Variants in CD163L1 observed in about 807,000 individuals in gnomAD.
CD163L1 encodes CD163 molecule like 1.
CD163L1 carries 124 observed loss-of-function variants against 165.4 expected under a neutral mutation model. The ratio of observed to expected loss-of-function variants is 0.75; its 90% CI spans 0.65 to 0.87. The LOEUF (loss-of-function observed/expected upper bound fraction) is 0.87. CD163L1 is among the 40% of genes least tolerant of loss of function. The pLI is 0.00. For synonymous variants in CD163L1, 585 were observed against 662.2 expected, an observed-to-expected ratio of 0.88 and a Z score of 1.79; for missense variants, 1,525 against 1,799.9, an observed-to-expected ratio of 0.85 and a Z score of 2.76.
At chr12:7,443,957 C>CT in intron 1 of CD163L1, 140 bp downstream of exon 1, 3 of 787,632 alleles carry the variant, frequency 3.8e-6, no homozygotes, top group East Asian at 2.9e-5. Context: ...TTCCACAAAA[C>CT]TTTCAATTTT....
intron 8 of CD163L1, among the ~76,000 whole-genome samples, chr12:7,393,002 G>C (rs1249300081): frequency 6.6e-6 from 1 of 151,896 alleles, no homozygotes; most frequent in East Asian, 1.9e-4. Flanking sequence ...TAAAAAGAGG[G>C]GTTGGTACCA....
intron 2 of CD163L1, chr12:7,439,448 T>G: frequency 1.3e-6 from 2 of 1,586,004 alleles, no homozygotes; most frequent in Non-Finnish European, 1.7e-6. Context: ...GGTTTGGACT[T>G]GTCTTTTAGC....
At chr12:7,340,993 A>T in the CD163L1 span, among the ~76,000 whole-genome samples, 1 of 152,212 alleles carries the variant, frequency 6.6e-6, no homozygotes, top group Non-Finnish European at 1.5e-5. Context: ...TCTTTGGACC[A>T]TCAAATGACT....
chr12:7,431,132 G>A (rs1258429930), intron 4 of CD163L1, among the ~76,000 whole-genome samples: 7 of 152,060 alleles, frequency 4.6e-5, no homozygotes, highest in African/African-American at 1.4e-4. Flanking sequence ...AAAAGAAGCC[G>A]CATTCTTCAG....
At chr12:7,346,569 G>T (rs1275445736), downstream of CD163L1, 4 of 152,112 alleles carry the variant, frequency 2.6e-5, no homozygotes, top group East Asian at 7.7e-4. Flanking sequence ...AACTCTTAAG[G>T]CTCTATTGTT....
At chr12:7,357,596 G>T in intron 18 of CD163L1, 110 bp from the exon 19 acceptor site, 2 of 723,406 alleles carry the variant, frequency 2.8e-6, no homozygotes, top group Non-Finnish European at 4.6e-6. Flanking sequence ...TAGAGCAAGA[G>T]GTGACTATTA....
chr12:7,374,486 TGC>T lies in CD163L1; in HGVS notation c.3363_3364del (p.Gln1122AlafsTer24). ...GTCCTCCTTGTGCCTGCAGTCGTGC[TGC>T]CCCCAGCCGCGGGAAGGGCACTGCC... On this transcript the variant is annotated frameshift_variant, in exon 13 of 20. Coordinates refer to ENST00000313599, the MANE Select transcript of CD163L1 (RefSeq NM_174941.6). LOFTEE classifies it high-confidence loss of function. The surrounding 1 kb of genome is among the most constrained non-coding windows in gnomAD (Gnocchi z 5.4). 6.2e-7 allele frequency: 1 copy of T among 1,614,162 alleles called. No homozygotes were observed. Among genetic ancestry groups the T allele is most frequent in the Non-Finnish European group, 8.5e-7 (1 of 1,180,016 alleles).
intron 2 of CD163L1, chr12:7,440,018 AC>A: frequency 1.4e-6 from 2 of 1,399,602 alleles, no homozygotes; most frequent in Non-Finnish European, 2.0e-6. Context: ...GCCGAGGAAA[AC>A]CCGCTGCGAC....
the CD163L1 span, among the ~76,000 whole-genome samples, chr12:7,339,933 TACAA>T: frequency 2.0e-5 from 3 of 152,172 alleles, no homozygotes; most frequent in Non-Finnish European, 2.9e-5. Flanking sequence ...GAGATCATCA[TACAA>T]ACAGCCTGAG....
At chr12:7,433,024 C>T (rs1202375290) in intron 3 of CD163L1, among the ~76,000 whole-genome samples, 1 of 151,844 alleles carries the variant, frequency 6.6e-6, no homozygotes, top group Non-Finnish European at 1.5e-5. Context: ...GTTAGTGTAC[C>T]TGGTACATGA....
chr12:7,403,473 C>A, intron 6 of CD163L1, 62 bp downstream of exon 6: 4 of 1,474,070 alleles, frequency 2.7e-6, no homozygotes, highest in Non-Finnish European at 3.7e-6. Flanking sequence ...TTGTTTCTAA[C>A]CTCCCAACAG....
chr12:7,323,325 A>G, the CD163L1 span: 2 of 1,608,252 alleles, frequency 1.2e-6, no homozygotes, highest in Admixed American at 1.7e-5. Context: ...GTAGGTTGAG[A>G]AAATATCTGA....
At chr12:7,426,733 T>TA (rs1454593842) in intron 4 of CD163L1, among the ~76,000 whole-genome samples, 9 of 151,840 alleles carry the variant, frequency 5.9e-5, no homozygotes, top group Admixed American at 5.9e-4. Flanking sequence ...GAACCTAAAG[T>TA]AAAAAATAAA....
At chr12:7,318,782 T>C in the CD163L1 span, among the ~76,000 whole-genome samples, 1 of 152,202 alleles carries the variant, frequency 6.6e-6, no homozygotes, top group Non-Finnish European at 1.5e-5. Context: ...TTTTCAACCA[T>C]GGCAAATTTA....
chr12:7,324,526 G>A, the CD163L1 span: 15 of 1,613,868 alleles, frequency 9.3e-6, no homozygotes, highest in Admixed American at 1.8e-4. Flanking sequence ...TTGAAGTGGA[G>A]AGTGCACTCA....
intron 9 of CD163L1, 94 bp from the exon 10 acceptor site, chr12:7,376,108 C>T (rs572242480): frequency 1.5e-5 from 17 of 1,102,002 alleles, no homozygotes; most frequent in Non-Finnish European, 2.2e-5. Context: ...CAATTTTTCT[C>T]CATTCATCAT....
rs4072796 is a variant in CD163L1, at chr12:7,396,400, C to G, written c.1745G>C (p.Gly582Ala). The change falls in exon 8 of 20, where the codon GGC becomes GCC. Residue 582 changes from glycine to alanine, a missense_variant. By Grantham distance (60) the Gly-to-Ala change is moderately conservative. Transcript: ENST00000313599. ...GTTGCTGCCGCCCACCAGCCTCAGGCCCCATGTTGCATCACCTGCACCAAG... is the reference window on the plus strand; with the variant it reads ...GTTGCTGCCGCCCACCAGCCTCAGGGCCCATGTTGCATCACCTGCACCAAG... ...IVTCSGDATWGLRLVGGSNRC... is the reference protein window; with the variant it reads ...IVTCSGDATWALRLVGGSNRC... The G allele has an allele frequency of 0.057, 91,222 of 1,606,024 alleles. 4,995 individuals are homozygous for G. The highest frequency in any genetic ancestry group is 0.24 in the African/African-American group (17,657 of 74,846).
At chr12:7,418,720 C>T (rs1292691979) in intron 4 of CD163L1, among the ~76,000 whole-genome samples, 1 of 151,820 alleles carries the variant, frequency 6.6e-6, no homozygotes, top group Non-Finnish European at 1.5e-5. Flanking sequence ...CACAGAAATA[C>T]AAACAATCAT....
Position 7,433,643 on chromosome 12 carries a change from C to G in CD163L1, c.176G>C (p.Gly59Ala). 6.2e-7 allele frequency: 1 copy of G among 1,614,054 alleles called. No individual in the cohort carries two copies. The highest frequency in any genetic ancestry group is 8.5e-7 in the Non-Finnish European group (1 of 1,179,960). Residue 59 changes from glycine to alanine, a missense_variant, in exon 3 of 20, where the codon GGG (glycine) becomes GCG (alanine). By Grantham distance (60) the Gly-to-Ala change is moderately conservative (BLOSUM62 0). Coordinates refer to ENST00000313599, the MANE Select transcript of CD163L1 (RefSeq NM_174941.6). ...RLVNGDGPCS[G>A]TVEVKFQGQW... ...TCCCTGGAATTTCACCTCCACTGTC[C>G]CAGAGCAGGGACCGTCTCCATTGAC...
Sources: allele counts gnomAD v4.1 joint callset (sites outside exome capture counted in the v4.1 genomes callset), GRCh38; gene constraint gnomAD v4.1.1; non-coding constraint Gnocchi (gnomAD v3.1); transcripts MANE v1.5; gene names NCBI Gene and HGNC (gene_info 2026-07-23, HGNC 2026-07-21).